Variants in PRRC2C observed in about 807,000 individuals in gnomAD.
PRRC2C encodes the protein protein PRRC2C.
Under a neutral mutation model 317.2 loss-of-function variants are expected in PRRC2C, and 72 were observed. That is an observed-to-expected ratio of 0.23 (90% CI 0.19 to 0.28). The LOEUF is 0.28. Ranked by LOEUF, PRRC2C falls within the 10% of genes least tolerant of loss-of-function variation. The probability of loss-of-function intolerance (pLI) is 1.00; values close to 1 mark genes in which losing one functional copy is unlikely to be tolerated. For missense variants in PRRC2C, 3,074 were observed against 3,459.7 expected (o/e 0.89, Z 2.80); for synonymous variants, 1,296 against 1,205.9 (o/e 1.07, Z -1.55).
intron 17 of PRRC2C, among the ~76,000 whole-genome samples, chr1:171,548,421 A>T (rs750882249): frequency 6.6e-6 from 1 of 152,240 alleles, no homozygotes; most frequent in Non-Finnish European, 1.5e-5. Flanking sequence ...GCTAACAAGT[A>T]TCACCTTCCC....
In PRRC2C at chr1:171,532,595, C is replaced by T; in HGVS notation, c.1507C>T (p.Pro503Ser). 6.4e-7 allele frequency: 1 copy of T among 1,558,016 alleles called. No homozygotes were observed. The highest frequency in any genetic ancestry group is 8.7e-7 in the Non-Finnish European group (1 of 1,150,810). ...KLGILEKQPS[P>S]EEIREREREK... is the part of the protein sequence containing the mutation. Reference sequence around the variant, plus strand: ...TGGCATCCTGGAAAAACAACCATCTCCAGAGGAAATTAGGGAAAGGGAGCG... The same window carrying T: ...TGGCATCCTGGAAAAACAACCATCTTCAGAGGAAATTAGGGAAAGGGAGCG... Residue 503 changes from proline (P) to serine (S), a missense_variant, in exon 12 of 35, where the codon CCA (proline) becomes TCA (serine). Coordinates refer to ENST00000647382, the MANE Select transcript of PRRC2C (RefSeq NM_001387844.1).
intron 1 of PRRC2C, among the ~76,000 whole-genome samples, chr1:171,501,093 T>G (rs2102136166): frequency 6.6e-6 from 1 of 152,114 alleles, no homozygotes; most frequent in Non-Finnish European, 1.5e-5. Context: ...AGACAGGGTC[T>G]CACTACCGGT....
Position 171,592,016 on chromosome 1 carries a change from T to G in PRRC2C, c.*169T>G. 1.1e-4 allele frequency: 87 copies of G among 792,316 alleles called. No individual in the cohort carries two copies. Among genetic ancestry groups the G allele is most frequent in the Non-Finnish European group, 1.5e-4 (77 of 508,260 alleles). 49.1% of individuals were successfully genotyped at this position (792,316 alleles called of 1,614,324 possible). ...AATTTACACTGACACACAGCTGCTGTACCAGTGAAAACGAGGCTTTGCAAG... is the reference window on the plus strand; with the variant it reads ...AATTTACACTGACACACAGCTGCTGGACCAGTGAAAACGAGGCTTTGCAAG... On this transcript the variant is annotated 3_prime_UTR_variant, in exon 35 of 35. Coordinates refer to ENST00000647382, the MANE Select transcript of PRRC2C (RefSeq NM_001387844.1).
In PRRC2C at chr1:171,541,610, T is replaced by C. The variant is rs749025000; in HGVS notation, c.4144T>C (p.Ser1382Pro). ...YRDNQWNPRQ[S>P]EVPKPEDGEP... ...GGACAATCAGTGGAACCCAAGGCAGTCAGAAGTTCCTAAACCAGAAGATGG... is the reference window on the plus strand; with the variant it reads ...GGACAATCAGTGGAACCCAAGGCAGCCAGAAGTTCCTAAACCAGAAGATGG... Residue 1382 changes from serine (S) to proline (P), a missense_variant, in exon 16 of 35, where the codon TCA becomes CCA. Ser to Pro is a moderately conservative substitution (Grantham distance 74, BLOSUM62 -1). Coordinates refer to ENST00000647382, the MANE Select transcript of PRRC2C (RefSeq NM_001387844.1). The surrounding 1 kb of genome is among the most constrained non-coding windows in gnomAD (Gnocchi z 4.1). The C allele has an allele frequency of 1.2e-6, 2 of 1,613,654 alleles. No homozygotes were observed. Among genetic ancestry groups the C allele is most frequent in the South Asian group, 1.1e-5 (1 of 91,064 alleles).
chr1:171,523,881 C>T (rs980308856), intron 9 of PRRC2C, among the ~76,000 whole-genome samples: 1 of 151,952 alleles, frequency 6.6e-6, no homozygotes, highest in African/African-American at 2.4e-5. Flanking sequence ...ACTAAAAATA[C>T]AAAAATTATC....
At position 171,500,014 on chromosome 1, in the gene PRRC2C, TTC is replaced by T. The variant is rs144021908; in HGVS notation, c.-57-12014_-57-12013del. ...TCTGTAAAACACTTGTAGAGTATAC[TTC>T]TCTGGAAATTGTTGTCGTTCATTTT... is the stretch of plus-strand genomic sequence containing the variant. On this transcript the variant is annotated intron_variant, in intron 1 of 34. Coordinates refer to ENST00000647382, the MANE Select transcript of PRRC2C (RefSeq NM_001387844.1). Among the ~76,000 whole-genome samples the T allele has an allele frequency of 3.8e-3, 583 of 152,186 alleles. 3 individuals carry two copies. The highest frequency in any genetic ancestry group is 0.013 in the African/African-American group (532 of 41,574).
intron 1 of PRRC2C, among the ~76,000 whole-genome samples, chr1:171,487,819 G>A (rs1369915948): frequency 2.0e-5 from 3 of 152,132 alleles, no homozygotes; most frequent in African/African-American, 7.2e-5. Context: ...TCTCTTCCAA[G>A]CAATAAATAA....
chr1:171,589,308 GTTTTT>G (rs11284338), intron 33 of PRRC2C, 56 bp from the exon 34 acceptor site: 45 of 445,826 alleles, frequency 1.0e-4, no homozygotes, highest in Non-Finnish European at 1.3e-4. Context: ...CTAGTTGGCA[GTTTTT>G]TTTTTTTTTT....
In PRRC2C at chr1:171,567,352, CAA is replaced by C. The variant is rs541453020; in HGVS notation, c.6558+510_6558+511del. On this transcript the variant is annotated intron_variant, in intron 22 of 34. Coordinates refer to ENST00000647382, the MANE Select transcript of PRRC2C (RefSeq NM_001387844.1). Reference sequence around the variant, plus strand: ...GTGTATCTAAAAATGCTCATTAAGACAAGATATGTTGATTGACCATGGGAACA... The same window carrying C: ...GTGTATCTAAAAATGCTCATTAAGACGATATGTTGATTGACCATGGGAACA... Among the ~76,000 whole-genome samples, 146 of 152,240 alleles carry C rather than the reference CAA, an allele frequency of 9.6e-4. 1 individual carries two copies. Among genetic ancestry groups the C allele is most frequent in the African/African-American group, 3.4e-3 (143 of 41,540 alleles).
chr1:171,513,071 A>G lies in PRRC2C; in HGVS notation c.189A>G (p.Pro63=). Reference sequence around the variant, plus strand: ...GTATGCCTCCACCTGCTAACCTCCCAAGTCTTAAAGCAGAAAACAAAGGCA... The same window carrying G: ...GTATGCCTCCACCTGCTAACCTCCCGAGTCTTAAAGCAGAAAACAAAGGCA... ...SRRMPPPANL[P]SLKAENKGND... is the part of the protein sequence containing the mutation. The change falls in exon 3 of 35, where the codon CCA becomes CCG. Residue 63 remains proline (P), a synonymous_variant. Coordinates refer to ENST00000647382, the MANE Select transcript of PRRC2C (RefSeq NM_001387844.1). 1.2e-6 allele frequency: 2 copies of G among 1,613,836 alleles called. No homozygotes were observed. Among genetic ancestry groups the G allele is most frequent in the African/African-American group, 2.7e-5 (2 of 75,056 alleles).
chr1:171,584,642 CTG>C, intron 30 of PRRC2C, 116 bp downstream of exon 30: 1 of 1,224,298 alleles, frequency 8.2e-7, no homozygotes. Flanking sequence ...GGTTTTTAAA[CTG>C]TTCACTGAGA....
intron 20 of PRRC2C, among the ~76,000 whole-genome samples, chr1:171,564,068 G>A (rs77093575): frequency 0.018 from 2,671 of 152,144 alleles, 32 homozygotes; most frequent in Middle Eastern, 0.031. Flanking sequence ...GATTTTTTGT[G>A]AATGTCATAC....
chr1:171,557,102 ACC>A (rs1363839545), intron 18 of PRRC2C, 136 bp from the exon 19 acceptor site: 3 of 1,399,012 alleles, frequency 2.1e-6, no homozygotes, highest in Non-Finnish European at 2.8e-6. Context: ...CTTATTAGCA[ACC>A]CTGACATTTT....
chr1:171,523,928 CAGG>C (rs1048345810), intron 9 of PRRC2C, among the ~76,000 whole-genome samples: 4 of 151,836 alleles, frequency 2.6e-5, no homozygotes, highest in Non-Finnish European at 4.4e-5. Context: ...CCCAGCTACT[CAGG>C]AGGCTAAGGC....
intron 10 of PRRC2C, among the ~76,000 whole-genome samples, chr1:171,526,825 T>TTTTTTTTC (rs1674670667): frequency 6.9e-6 from 1 of 145,326 alleles, no homozygotes; most frequent in Non-Finnish European, 1.5e-5. Context: ...TTTTTTTTTT[T>TTTTTTTTC]TGAGATGGAG....
At chr1:171,588,964 A>G (rs1375406647) in intron 33 of PRRC2C, among the ~76,000 whole-genome samples, 1 of 152,234 alleles carries the variant, frequency 6.6e-6, no homozygotes, top group Non-Finnish European at 1.5e-5. Flanking sequence ...GAACTCTCAC[A>G]AACTAGAACT....
chr1:171,533,647 C>G (rs772389047), intron 12 of PRRC2C, among the ~76,000 whole-genome samples: 4 of 152,050 alleles, frequency 2.6e-5, no homozygotes, highest in Non-Finnish European at 5.9e-5. Context: ...GTTTTTGAGA[C>G]AGAGTCTCTC....
chr1:171,591,799 T>C lies in PRRC2C; in HGVS notation c.8649T>C (p.Thr2883=), dbSNP rs369760461. Residue 2883 remains threonine (T), a synonymous_variant, in exon 35 of 35, where the codon ACT becomes ACC. Coordinates refer to ENST00000647382, the MANE Select transcript of PRRC2C (RefSeq NM_001387844.1). ...CCATAGCCACCAAACCTGTTAGAAC[T>C]GGACCAATCAAACCTCAGGCGATCA... ...APSIATKPVR[T]GPIKPQAIKT... is the part of the protein sequence containing the mutation. 5.6e-6 allele frequency: 9 copies of C among 1,607,220 alleles called. No individual in the cohort carries two copies. The highest frequency in any genetic ancestry group is 2.2e-5 in the East Asian group (1 of 44,626).
rs190858618 is a variant in PRRC2C at position 171,560,855 on chromosome 1, A to G, written c.6032-163A>G. Among the ~76,000 whole-genome samples the G allele has an allele frequency of 1.1e-3, 172 of 152,346 alleles. 1 individual carries two copies. Among genetic ancestry groups the G allele is most frequent in the Admixed American group, 3.4e-3 (52 of 15,298 alleles). ...CACAATGTTTCTGGGGTATGCCTGT[A>G]TGTTGATACATAATAATCTTTGTAA... On this transcript the variant is annotated intron_variant, in intron 19 of 34. Transcript: ENST00000647382.
Sources: allele counts gnomAD v4.1 joint callset (sites outside exome capture counted in the v4.1 genomes callset), GRCh38; gene constraint gnomAD v4.1.1; non-coding constraint Gnocchi (gnomAD v3.1); transcripts MANE v1.5; gene names NCBI Gene and HGNC (gene_info 2026-07-23, HGNC 2026-07-21).